The following GRID2 variants were observed in gnomAD, a reference collection of about 807,000 sequenced individuals.
GRID2 encodes glutamate ionotropic receptor delta type subunit 2.
A neutral mutation model predicts 114.8 loss-of-function variants in GRID2; 33 were observed. The ratio of observed to expected loss-of-function variants is 0.29; its 90% CI spans 0.22 to 0.38. GRID2 has a LOEUF of 0.38. Among genes scored for constraint, GRID2 ranks in the 10% least tolerant of loss-of-function variants. The pLI is 1.00. For synonymous variants in GRID2, 505 were observed against 449.9 expected (o/e 1.12, Z -1.55); for missense variants, 1,184 against 1,257.7 (o/e 0.94, Z 0.89).
chr4:93,234,644 C>T (rs1470796591), intron 7 of GRID2, among the ~76,000 whole-genome samples: 7 of 104,070 alleles, frequency 6.7e-5, no homozygotes, highest in Admixed American at 6.5e-4. Flanking sequence ...ATTTGTCGTC[C>T]TCTTTTTTTT....
At chr4:92,908,819 G>A (rs1370133497) in intron 2 of GRID2, among the ~76,000 whole-genome samples, 3 of 152,120 alleles carry the variant, frequency 2.0e-5, no homozygotes, top group Non-Finnish European at 2.9e-5. Flanking sequence ...TTGTTAGGTT[G>A]TCTTAATCCT....
chr4:93,377,238 A>C (rs1763462608), intron 8 of GRID2, among the ~76,000 whole-genome samples: 1 of 152,144 alleles, frequency 6.6e-6, no homozygotes. Context: ...TATTCTATTT[A>C]TATATTTGAA....
intron 8 of GRID2, among the ~76,000 whole-genome samples, chr4:93,359,465 C>T (rs1167291027): frequency 6.6e-6 from 1 of 151,492 alleles, no homozygotes; most frequent in Non-Finnish European, 1.5e-5. Flanking sequence ...TTAAAATATG[C>T]AATGAAATTA....
chr4:92,746,074 A>G (rs190006368), intron 2 of GRID2, among the ~76,000 whole-genome samples: 1 of 152,248 alleles, frequency 6.6e-6, no homozygotes, highest in East Asian at 1.9e-4. Context: ...TAACTCCTGT[A>G]GATCTAGTGT....
At chr4:93,046,459 T>TA (rs2149275237) in intron 2 of GRID2, among the ~76,000 whole-genome samples, 1 of 152,184 alleles carries the variant, frequency 6.6e-6, no homozygotes, top group South Asian at 2.1e-4. Flanking sequence ...ACAGAGAAGA[T>TA]TCTCATAACC....
intron 1 of GRID2, among the ~76,000 whole-genome samples, chr4:93,785,613 A>G (rs1246840482): frequency 2.0e-5 from 3 of 152,224 alleles, no homozygotes; most frequent in Admixed American, 2.0e-4. Flanking sequence ...CGTGATAAAG[A>G]ATTTAATACA....
At chr4:93,712,004 T>A (rs1403740471) in intron 14 of GRID2, among the ~76,000 whole-genome samples, 1 of 151,436 alleles carries the variant, frequency 6.6e-6, no homozygotes, top group East Asian at 1.9e-4. Context: ...GCTTTTCAGT[T>A]TTTTTGTTGT....
intron 2 of GRID2, among the ~76,000 whole-genome samples, chr4:92,927,733 A>C (rs978976413): frequency 6.6e-6 from 1 of 151,748 alleles, no homozygotes; most frequent in Non-Finnish European, 1.5e-5. Flanking sequence ...TGAACACGGA[A>C]AATAAGGTTT....
At chr4:92,605,853 C>T (rs12643676) in intron 2 of GRID2, among the ~76,000 whole-genome samples, 41,460 of 151,886 alleles carry the variant, frequency 0.27, 5,572 homozygotes, top group South Asian at 0.33. Flanking sequence ...CCTTATACTC[C>T]CCTTGGACAT....
At chr4:93,659,782 C>G (rs1236063623) in intron 14 of GRID2, among the ~76,000 whole-genome samples, 1 of 152,110 alleles carries the variant, frequency 6.6e-6, no homozygotes, top group Non-Finnish European at 1.5e-5. Flanking sequence ...TTAAGCTTCA[C>G]TGTTAAGAGG....
At chr4:93,111,142 C>T (rs544593211) in intron 4 of GRID2, among the ~76,000 whole-genome samples, 189 bp downstream of exon 4, 14 of 152,094 alleles carry the variant, frequency 9.2e-5, no homozygotes, top group Non-Finnish European at 2.1e-4. Context: ...CAGTTAGTTG[C>T]TGAGAGTATT....
At chr4:93,618,453 C>T (rs2149678935) in intron 13 of GRID2, among the ~76,000 whole-genome samples, 1 of 152,240 alleles carries the variant, frequency 6.6e-6, no homozygotes, top group East Asian at 1.9e-4. Flanking sequence ...GTAAAATATC[C>T]TCTCTTCCTG....
intron 4 of GRID2, 22 bp from the exon 5 acceptor site, chr4:93,207,382 G>C (rs376822228): frequency 1.4e-5 from 22 of 1,547,818 alleles, no homozygotes; most frequent in African/African-American, 2.7e-5. Context: ...TTGACTGATA[G>C]CTGATTTGTT....
intron 8 of GRID2, among the ~76,000 whole-genome samples, chr4:93,332,823 A>C (rs1758638085): frequency 6.6e-6 from 1 of 152,058 alleles, no homozygotes; most frequent in Admixed American, 6.6e-5. Context: ...TCCTAATGAG[A>C]CGCCTTTCTT....
intron 14 of GRID2, among the ~76,000 whole-genome samples, chr4:93,728,503 T>C (rs1242654596): frequency 2.0e-5 from 3 of 152,134 alleles, no homozygotes; most frequent in Admixed American, 6.5e-5. Flanking sequence ...CTATTAGGTC[T>C]GCTTGGTGCA....
chr4:93,027,205 C>T (rs1723959574), intron 2 of GRID2, among the ~76,000 whole-genome samples: 1 of 151,942 alleles, frequency 6.6e-6, no homozygotes, highest in Admixed American at 6.6e-5. Context: ...TATAGGATTA[C>T]ATTATTAGTT....
intron 1 of GRID2, among the ~76,000 whole-genome samples, chr4:92,348,147 G>T (rs1428915331): frequency 6.6e-6 from 1 of 152,034 alleles, no homozygotes; most frequent in Non-Finnish European, 1.5e-5. Flanking sequence ...AAAATTTTTA[G>T]TGGAGATGAG....
intron 14 of GRID2, among the ~76,000 whole-genome samples, chr4:93,685,086 A>T (rs1371901675): frequency 1.3e-5 from 2 of 152,006 alleles, no homozygotes; most frequent in Admixed American, 1.3e-4. Context: ...GATAAAAAGG[A>T]AAAAAAGGCA....
chr4:93,341,736 G>A (rs1223418980), intron 8 of GRID2, among the ~76,000 whole-genome samples: 1 of 152,120 alleles, frequency 6.6e-6, no homozygotes, highest in Admixed American at 6.6e-5. Flanking sequence ...GAAAGTCCTG[G>A]ATTTGCCTAG....
Sources: gnomAD v4.1 joint callset for allele counts (sites outside exome capture counted in the v4.1 genomes callset) on GRCh38, gnomAD v4.1.1 for gene constraint, MANE v1.5 for transcripts, NCBI Gene and HGNC (gene_info 2026-07-23, HGNC 2026-07-21) for gene names.